Variants in ADAM18 observed in about 807,000 individuals in gnomAD.
The protein encoded by ADAM18 is ADAM metallopeptidase domain 18.
ADAM18 carries 117 observed loss-of-function variants against 94.4 expected under a neutral mutation model. That is an observed-to-expected ratio of 1.24 (90% CI 1.07 to 1.45). The LOEUF is 1.45. Ranked by LOEUF, ADAM18 falls within the 40% of genes most tolerant of loss-of-function variation. The pLI is 0.00. For missense variants in ADAM18, 936 were observed against 880.0 expected (o/e 1.06, Z -0.81); for synonymous variants, 327 against 291.6 (o/e 1.12, Z -1.24).
At chr8:39,651,481 G>A (rs1820534383) in intron 12 of ADAM18, among the ~76,000 whole-genome samples, 1 of 152,188 alleles carries the variant, frequency 6.6e-6, no homozygotes, top group African/African-American at 2.4e-5. Context: ...AGTGTATTGT[G>A]TCTCTGGGTA....
intron 9 of ADAM18, 47 bp from the exon 10 acceptor site, chr8:39,638,418 C>A: frequency 7.7e-7 from 1 of 1,297,248 alleles, no homozygotes; most frequent in Non-Finnish European, 1.1e-6. Flanking sequence ...CATAAGCTTA[C>A]AAATTGTTTT....
intron 2 of ADAM18, among the ~76,000 whole-genome samples, chr8:39,590,359 C>T (rs1028898121): frequency 6.6e-6 from 1 of 152,124 alleles, no homozygotes; most frequent in African/African-American, 2.4e-5. Flanking sequence ...ACCGCATATT[C>T]TCACTCATAG....
intron 17 of ADAM18, among the ~76,000 whole-genome samples, chr8:39,706,400 A>G (rs562774309): frequency 6.6e-6 from 1 of 152,160 alleles, no homozygotes; most frequent in East Asian, 1.9e-4. Flanking sequence ...TTCTATAGAC[A>G]TTGAAGTGCA....
chr8:39,700,219 TCAAATTTATCAA>T (rs1195532764), intron 17 of ADAM18, among the ~76,000 whole-genome samples: 3 of 152,278 alleles, frequency 2.0e-5, no homozygotes, highest in Admixed American at 6.5e-5. Flanking sequence ...AATTTTAACA[TCAAATTTATCAA>T]CAAATAAAAA....
At chr8:39,610,431 A>T in intron 5 of ADAM18, 98 bp from the exon 6 acceptor site, 1 of 1,359,100 alleles carries the variant, frequency 7.4e-7, no homozygotes, top group Non-Finnish European at 9.7e-7. Context: ...GTTCTTTAGT[A>T]TAGTTTTTTA....
intron 6 of ADAM18, among the ~76,000 whole-genome samples, chr8:39,620,174 A>C (rs1266423296): frequency 1.3e-5 from 2 of 152,062 alleles, no homozygotes; most frequent in East Asian, 3.8e-4. Context: ...ATTCACACAC[A>C]AAAGAGTGAA....
intron 10 of ADAM18, among the ~76,000 whole-genome samples, chr8:39,640,642 T>C (rs1393832266): frequency 6.6e-6 from 1 of 152,116 alleles, no homozygotes; most frequent in Non-Finnish European, 1.5e-5. Context: ...TACACTCCCA[T>C]GAACAGTGTA....
At chr8:39,626,880 G>A (rs537937415) in intron 6 of ADAM18, among the ~76,000 whole-genome samples, 4 of 152,132 alleles carry the variant, frequency 2.6e-5, no homozygotes, top group African/African-American at 9.6e-5. Flanking sequence ...TAGTTCTTGG[G>A]TAGAATAGTT....
At chr8:39,589,559 T>C (rs993712845) in intron 2 of ADAM18, among the ~76,000 whole-genome samples, 2 of 151,922 alleles carry the variant, frequency 1.3e-5, no homozygotes, top group Admixed American at 1.3e-4. Flanking sequence ...ATATCTTCCT[T>C]GACATGCGTA....
rs1287259380 is a variant in ADAM18 at position 39,667,982 on chromosome 8, TTCC to T, written c.1327-14_1327-12del. The T allele has an allele frequency of 9.3e-6, 15 of 1,609,922 alleles. No homozygotes were observed. The South Asian group carries it at 1.7e-4, about 18-fold the overall frequency. ...TGATTTACAGAACTTAATTTTATTT[TTCC>T]TTTTCCTCCCAGTTGTCAATAGCAG... On this transcript the variant is annotated splice_polypyrimidine_tract_variant and intron_variant, in intron 13 of 19. Transcript: ENST00000265707.
chr8:39,646,635 T>C (rs2129579545), intron 11 of ADAM18, among the ~76,000 whole-genome samples: 1 of 152,242 alleles, frequency 6.6e-6, no homozygotes, highest in East Asian at 1.9e-4. Context: ...ATTCAGCAAC[T>C]GAGAACAGAC....
In ADAM18 at chr8:39,584,715, T is replaced by C. The variant is rs765898461; in HGVS notation, c.55+38T>C. 14 of 1,604,528 alleles carry C rather than the reference T, an allele frequency of 8.7e-6. No individual in the cohort carries two copies. In the Admixed American group the frequency reaches 2.3e-4, roughly 27 times the overall value. On this transcript the variant is annotated intron_variant, in intron 1 of 19. Coordinates refer to ENST00000265707, the MANE Select transcript of ADAM18 (RefSeq NM_014237.3). ...GAGCCTCCCCTTTCTTCTTCGACTTTATAGCTGGGCTGGGCTCTTACTGGG... is the reference window on the plus strand; with the variant it reads ...GAGCCTCCCCTTTCTTCTTCGACTTCATAGCTGGGCTGGGCTCTTACTGGG...
Position 39,610,559 on chromosome 8 carries a change from T to C in ADAM18, c.375T>C (p.Tyr125=), listed in dbSNP as rs768711287. Residue 125 remains tyrosine, a synonymous_variant, in exon 6 of 20, where the codon TAT becomes TAC. Coordinates refer to ENST00000265707, the MANE Select transcript of ADAM18 (RefSeq NM_014237.3). ...RGFLQFENIS[Y]GIEPVESSAR... is the part of the protein sequence containing the mutation. Reference sequence around the variant, plus strand: ...TTCTCCAGTTTGAAAATATCAGTTATGGAATTGAACCAGTAGAATCTTCAG... The same window carrying C: ...TTCTCCAGTTTGAAAATATCAGTTACGGAATTGAACCAGTAGAATCTTCAG... 12 of 1,610,198 alleles carry C rather than the reference T, an allele frequency of 7.5e-6. No homozygotes were observed. The highest frequency in any genetic ancestry group is 2.5e-6 in the Non-Finnish European group (3 of 1,177,902).
chr8:39,670,270 CTATAA>C (rs1460811468), intron 14 of ADAM18, among the ~76,000 whole-genome samples: 3 of 152,030 alleles, frequency 2.0e-5, no homozygotes, highest in African/African-American at 4.8e-5. Context: ...ATGTATATTC[CTATAA>C]TATATGTTCT....
chr8:39,594,793 G>GTTTTT (rs71237182), intron 2 of ADAM18, among the ~76,000 whole-genome samples: 1 of 46,866 alleles, frequency 2.1e-5, no homozygotes, highest in Non-Finnish European at 4.0e-5. Flanking sequence ...TTTGCTGTGA[G>GTTTTT]TTTTTTTTTT....
At chr8:39,715,686 A>G (rs1315614972) in intron 18 of ADAM18, among the ~76,000 whole-genome samples, 1 of 152,048 alleles carries the variant, frequency 6.6e-6, no homozygotes, top group Non-Finnish European at 1.5e-5. Flanking sequence ...CAAATATTTT[A>G]TAATCTTTAT....
intron 18 of ADAM18, among the ~76,000 whole-genome samples, chr8:39,720,538 C>A (rs540590048): frequency 2.6e-5 from 4 of 151,284 alleles, no homozygotes; most frequent in Non-Finnish European, 5.9e-5. Context: ...TGCCAACTCT[C>A]GGGCACTAGT....
At chr8:39,672,158 GTGGGAA>G (rs1175594205) in intron 14 of ADAM18, among the ~76,000 whole-genome samples, 2 of 152,212 alleles carry the variant, frequency 1.3e-5, no homozygotes, top group Non-Finnish European at 2.9e-5. Context: ...GCTCAGGGAA[GTGGGAA>G]TACTGTAATC....
Position 39,645,378 on chromosome 8 carries a change from T to C in ADAM18, c.950T>C (p.Ile317Thr). 6.2e-7 allele frequency: 1 copy of C among 1,612,570 alleles called. No homozygotes were observed. Among genetic ancestry groups the C allele is most frequent in the Middle Eastern group, 1.7e-4 (1 of 6,048 alleles). The change falls in exon 11 of 20, where the codon ATA becomes ACA. Residue 317 changes from isoleucine to threonine, a missense_variant. Ile to Thr is a moderately conservative substitution (Grantham distance 89, BLOSUM62 -1). Transcript: ENST00000265707. ...AIGLEGFSVI[I>T]AQLLGLNVGL... ...GGTTTGGAGGGATTTTCGGTTATTATAGCTCAACTGCTTGGCCTTAATGTA... is the reference window on the plus strand; with the variant it reads ...GGTTTGGAGGGATTTTCGGTTATTACAGCTCAACTGCTTGGCCTTAATGTA...
Sources: gnomAD v4.1 joint callset for allele counts (sites outside exome capture counted in the v4.1 genomes callset) on GRCh38, gnomAD v4.1.1 for gene constraint, MANE v1.5 for transcripts, NCBI Gene and HGNC (gene_info 2026-07-23, HGNC 2026-07-21) for gene names.